CDH10: variants seen among roughly 807,000 people sequenced by gnomAD.
CDH10 encodes the protein cadherin-10.
Under a neutral mutation model 73.1 loss-of-function variants are expected in CDH10, and 30 were observed. The observed-to-expected ratio is 0.41, with a 90% CI of 0.31 to 0.56. The LOEUF (loss-of-function observed/expected upper bound fraction) is 0.56. Ranked by LOEUF, CDH10 falls within the 20% of genes least tolerant of loss-of-function variation. The pLI is 0.27. For synonymous variants in CDH10, 345 were observed against 348.2 expected (o/e 0.99, Z 0.10); for missense variants, 815 against 973.7 (o/e 0.84, Z 2.17).
At chr5:24,587,838 C>G (rs1181961121) in intron 2 of CDH10, among the ~76,000 whole-genome samples, 1 of 152,060 alleles carries the variant, frequency 6.6e-6, no homozygotes, top group Non-Finnish European at 1.5e-5. Flanking sequence ...TTCCTGAATA[C>G]TTTGCTAAAA....
chr5:24,521,136 C>G (rs539448409), intron 5 of CDH10, among the ~76,000 whole-genome samples: 45 of 152,300 alleles, frequency 3.0e-4, no homozygotes, highest in African/African-American at 8.7e-4. Flanking sequence ...AACTCAAACT[C>G]AAACACCCCC....
intron 2 of CDH10, among the ~76,000 whole-genome samples, chr5:24,545,837 A>G (rs1744318942): frequency 6.6e-6 from 1 of 152,098 alleles, no homozygotes. Flanking sequence ...AAAAGGAAAT[A>G]TTTCTGTAAC....
chr5:24,529,040 G>A (rs751011598), intron 5 of CDH10, among the ~76,000 whole-genome samples: 7 of 151,862 alleles, frequency 4.6e-5, no homozygotes, highest in Non-Finnish European at 8.8e-5. Flanking sequence ...TATCTCATAC[G>A]GATGATGTAA....
At chr5:24,608,136 CAG>C (rs1416457906) in intron 1 of CDH10, among the ~76,000 whole-genome samples, 1 of 152,054 alleles carries the variant, frequency 6.6e-6, no homozygotes, top group Non-Finnish European at 1.5e-5. Flanking sequence ...AGATTGCCGA[CAG>C]AATTATCCCA....
At chr5:24,570,835 G>T (rs1278490040) in intron 2 of CDH10, among the ~76,000 whole-genome samples, 1 of 151,670 alleles carries the variant, frequency 6.6e-6, no homozygotes, top group African/African-American at 2.4e-5. Context: ...AAATAAGCTC[G>T]TTTTGAGAAT....
At chr5:24,558,775 T>A (rs1013547664) in intron 2 of CDH10, among the ~76,000 whole-genome samples, 2 of 151,860 alleles carry the variant, frequency 1.3e-5, no homozygotes, top group African/African-American at 4.8e-5. Context: ...TCAAGCAACG[T>A]TTACAAAGCT....
At chr5:24,628,454 G>A (rs1747583850) in intron 1 of CDH10, among the ~76,000 whole-genome samples, 1 of 150,904 alleles carries the variant, frequency 6.6e-6, no homozygotes, top group Non-Finnish European at 1.5e-5. Context: ...AATGCTAGGA[G>A]TGGAGAACAG....
intron 1 of CDH10, among the ~76,000 whole-genome samples, chr5:24,600,383 C>T (rs1579459449): frequency 6.6e-6 from 1 of 152,066 alleles, no homozygotes; most frequent in East Asian, 1.9e-4. Context: ...ATTCCTTCAG[C>T]AATGTCTATG....
intron 9 of CDH10, among the ~76,000 whole-genome samples, chr5:24,496,704 GA>G (rs1416735765): frequency 6.6e-6 from 1 of 152,132 alleles, no homozygotes; most frequent in Non-Finnish European, 1.5e-5. Context: ...GCACACCTAG[GA>G]ACCCTGACAT....
intron 5 of CDH10, among the ~76,000 whole-genome samples, chr5:24,516,822 G>C (rs1743125785): frequency 6.6e-6 from 1 of 151,182 alleles, no homozygotes; most frequent in East Asian, 2.0e-4. Context: ...AATCAAACAA[G>C]TTTCCATATA....
chr5:24,496,009 G>C (rs1344544327), intron 9 of CDH10, among the ~76,000 whole-genome samples: 1 of 151,966 alleles, frequency 6.6e-6, no homozygotes, highest in Admixed American at 6.5e-5. Context: ...ATATTATTAT[G>C]GTGTCTGGAA....
chr5:24,635,562 C>T (rs1340030797), intron 1 of CDH10, among the ~76,000 whole-genome samples: 3 of 150,324 alleles, frequency 2.0e-5, no homozygotes, highest in Non-Finnish European at 4.4e-5. Context: ...ATGCAACTGA[C>T]ATTTTCACTC....
chr5:24,606,514 G>T (rs985577283), intron 1 of CDH10, among the ~76,000 whole-genome samples: 14 of 152,036 alleles, frequency 9.2e-5, no homozygotes, highest in African/African-American at 3.4e-4. Flanking sequence ...GAGAGGCTGA[G>T]GCAGGAGAAT....
intron 1 of CDH10, among the ~76,000 whole-genome samples, chr5:24,643,199 A>T: frequency 6.6e-6 from 1 of 152,256 alleles, no homozygotes; most frequent in African/African-American, 2.4e-5. Context: ...GGTGCAGATT[A>T]TCTATGCGAC....
chr5:24,590,881 C>T (rs73054503), intron 2 of CDH10, among the ~76,000 whole-genome samples: 19 of 152,038 alleles, frequency 1.2e-4, no homozygotes, highest in Non-Finnish European at 4.4e-5. Context: ...CATATTACTC[C>T]GACATCTAAA....
intron 1 of CDH10, among the ~76,000 whole-genome samples, chr5:24,608,570 C>T (rs979008722): frequency 2.3e-4 from 35 of 152,112 alleles, no homozygotes; most frequent in African/African-American, 8.0e-4. Flanking sequence ...GAATTACAGG[C>T]GTGAGCCACC....
intron 2 of CDH10, among the ~76,000 whole-genome samples, chr5:24,584,298 TTTTTAAAAAC>T (rs748815226): frequency 1.3e-5 from 2 of 152,110 alleles, no homozygotes; most frequent in Non-Finnish European, 2.9e-5. Flanking sequence ...GAGAAAGGTC[TTTTTAAAAAC>T]TGGTGATTTA....
At chr5:24,554,123 A>AGAGAGAGAGAGAG in intron 2 of CDH10, 1 of 30,786 alleles carries the variant, frequency 3.2e-5, no homozygotes, top group South Asian at 1.2e-3. Context: ...GGGGGGGGAG[A>AGAGAGAGAGAGAG]GAGAGAGACA....
rs370165120 is a variant in CDH10 at position 24,514,665 on chromosome 5, G to A, written c.815-3151C>T. Among the ~76,000 whole-genome samples the A allele has an allele frequency of 5.9e-5, 9 of 152,218 alleles. No homozygotes were observed. The South Asian group carries it at 1.9e-3, about 32-fold the overall frequency. ...TGCCCCAATGAAAGCACTTATTGTT[G>A]ATGTTAAGTGTTTAATTTCATTTGG... On this transcript the variant is annotated intron_variant, in intron 5 of 11. Coordinates refer to ENST00000264463, the MANE Select transcript of CDH10 (RefSeq NM_006727.5).
Sources: allele counts gnomAD v4.1 joint callset (sites outside exome capture counted in the v4.1 genomes callset), GRCh38; gene constraint gnomAD v4.1.1; transcripts MANE v1.5; gene names NCBI Gene and HGNC (gene_info 2026-07-23, HGNC 2026-07-21).